ROR1: variants seen among roughly 807,000 people sequenced by gnomAD.
ROR1 encodes ROR family WNT receptor 1, also known as inactive tyrosine-protein kinase transmembrane receptor ROR1.
A neutral mutation model predicts 78.8 loss-of-function variants in ROR1; 19 were observed. That is an observed-to-expected ratio of 0.24 (90% CI 0.17 to 0.35). ROR1 has a LOEUF of 0.35. Among genes scored for constraint, ROR1 ranks in the 10% least tolerant of loss-of-function variants. The pLI is 1.00. For missense variants in ROR1, 917 were observed against 1,177.8 expected (o/e 0.78, Z 3.24); for synonymous variants, 386 against 433.6 (o/e 0.89, Z 1.36).
At chr1:64,100,773 G>C (rs764522069) in intron 4 of ROR1, among the ~76,000 whole-genome samples, 22 of 152,138 alleles carry the variant, frequency 1.4e-4, no homozygotes, top group Non-Finnish European at 2.5e-4. Flanking sequence ...ACCCACCACA[G>C]GAAAACATCT....
intron 4 of ROR1, among the ~76,000 whole-genome samples, chr1:64,129,156 G>A (rs1423527301): frequency 6.6e-6 from 1 of 152,180 alleles, no homozygotes; most frequent in Non-Finnish European, 1.5e-5. Flanking sequence ...CAGAAGGAAT[G>A]GGAAACAAAG....
intron 1 of ROR1, among the ~76,000 whole-genome samples, chr1:63,999,854 C>A (rs1390746435): frequency 6.6e-6 from 1 of 152,058 alleles, no homozygotes. Flanking sequence ...AACTTCATTC[C>A]CATTGTGTAT....
At chr1:63,817,995 T>C (rs868757502) in intron 1 of ROR1, among the ~76,000 whole-genome samples, 28 of 152,222 alleles carry the variant, frequency 1.8e-4, no homozygotes, top group Admixed American at 6.5e-5. Context: ...AGAGGCTCTG[T>C]TATCAGTGAG....
chr1:64,099,992 T>C (rs2100655582), intron 4 of ROR1, among the ~76,000 whole-genome samples: 2 of 151,748 alleles, frequency 1.3e-5, no homozygotes, highest in African/African-American at 2.4e-5. Context: ...GAGGTGGAGG[T>C]TGCAGTGAGC....
chr1:63,989,215 T>C (rs1213371892), intron 1 of ROR1, among the ~76,000 whole-genome samples: 3 of 151,508 alleles, frequency 2.0e-5, no homozygotes, highest in Admixed American at 2.0e-4. Context: ...GCATGGACTT[T>C]GGCTTTGAAA....
At chr1:63,855,167 T>C (rs79987441) in intron 1 of ROR1, among the ~76,000 whole-genome samples, 1 of 152,288 alleles carries the variant, frequency 6.6e-6, no homozygotes, top group African/African-American at 2.4e-5. Context: ...CTTTGACTGT[T>C]CTTAACCTGA....
intron 1 of ROR1, among the ~76,000 whole-genome samples, chr1:63,943,432 C>A (rs1645857459): frequency 6.6e-6 from 1 of 152,172 alleles, no homozygotes; most frequent in African/African-American, 2.4e-5. Flanking sequence ...TCAGGGCAAG[C>A]CCCTGTGCTT....
At chr1:64,143,159 A>T (rs374508957) in intron 7 of ROR1, 2 of 990,034 alleles carry the variant, frequency 2.0e-6, no homozygotes, top group African/African-American at 3.5e-5. Flanking sequence ...GCATATAGGT[A>T]TCTAGTAAGA....
At position 64,086,185 on chromosome 1, in the gene ROR1, C is replaced by G. The variant is rs750643092; in HGVS notation, c.482+35469C>G. ...GTTCCTTTCACACAAAATGTGTTGT[C>G]TATTTGTATGACAACCTAATGGAGT... On this transcript the variant is annotated intron_variant, in intron 4 of 8. Transcript: ENST00000371079. Among the ~76,000 whole-genome samples the G allele has an allele frequency of 7.2e-5, 11 of 152,154 alleles. No individual in the cohort carries two copies. The South Asian group carries it at 2.3e-3, about 32-fold the overall frequency.
At chr1:63,827,085 A>G (rs915160099) in intron 1 of ROR1, among the ~76,000 whole-genome samples, 6 of 152,118 alleles carry the variant, frequency 3.9e-5, no homozygotes, top group African/African-American at 1.4e-4. Context: ...GGCTGCATGT[A>G]TGTCTTTTGA....
At chr1:64,163,283 T>C (rs1649997721) in intron 8 of ROR1, among the ~76,000 whole-genome samples, 1 of 148,388 alleles carries the variant, frequency 6.7e-6, no homozygotes. Context: ...CCAGGCATGG[T>C]GGTGCATCTC....
At chr1:63,995,947 A>G (rs886838166) in intron 1 of ROR1, among the ~76,000 whole-genome samples, 7 of 152,118 alleles carry the variant, frequency 4.6e-5, no homozygotes, top group Non-Finnish European at 1.0e-4. Context: ...GAGATACAAA[A>G]AGATGTGGAT....
At chr1:64,151,645 G>A (rs977656862) in intron 7 of ROR1, among the ~76,000 whole-genome samples, 5 of 151,932 alleles carry the variant, frequency 3.3e-5, no homozygotes, top group South Asian at 2.1e-4. Context: ...GGCCGAGGCG[G>A]GCAGATCATT....
chr1:64,084,614 C>G (rs1161741240), intron 4 of ROR1, among the ~76,000 whole-genome samples: 1 of 152,168 alleles, frequency 6.6e-6, no homozygotes, highest in Non-Finnish European at 1.5e-5. Context: ...ATGGAGAGGA[C>G]TCATCCTGGT....
chr1:63,815,950 C>T (rs982253738), intron 1 of ROR1, among the ~76,000 whole-genome samples: 1 of 152,140 alleles, frequency 6.6e-6, no homozygotes, highest in African/African-American at 2.4e-5. Flanking sequence ...GTAGTAGGGG[C>T]TGCCACATCT....
chr1:64,014,769 T>C (rs187411213), intron 2 of ROR1, among the ~76,000 whole-genome samples: 8,091 of 47,684 alleles, frequency 0.17, 2,183 homozygotes, highest in Non-Finnish European at 0.29. Context: ...TATATATATA[T>C]ATATACACAT....
intron 1 of ROR1, among the ~76,000 whole-genome samples, chr1:63,811,916 G>A (rs1436061266): frequency 6.6e-6 from 1 of 151,120 alleles, no homozygotes; most frequent in African/African-American, 2.4e-5. Flanking sequence ...TTGGGATCAA[G>A]TCCAATAAGC....
chr1:64,025,267 G>A (rs1287133071), intron 2 of ROR1, among the ~76,000 whole-genome samples: 1 of 152,102 alleles, frequency 6.6e-6, no homozygotes, highest in Non-Finnish European at 1.5e-5. Context: ...TCTAGAAGTC[G>A]TATAATGTGA....
intron 4 of ROR1, among the ~76,000 whole-genome samples, chr1:64,128,581 A>G (rs972012572): frequency 2.0e-5 from 3 of 152,214 alleles, no homozygotes; most frequent in South Asian, 4.1e-4. Context: ...ATTAAAATAA[A>G]AAGTGGGAGA....
Sources: allele counts gnomAD v4.1 joint callset (sites outside exome capture counted in the v4.1 genomes callset), GRCh38; gene constraint gnomAD v4.1.1; transcripts MANE v1.5; gene names NCBI Gene and HGNC (gene_info 2026-07-23, HGNC 2026-07-21).